The following PTPRD variants were observed in gnomAD, a reference collection of about 807,000 sequenced individuals.
PTPRD encodes the protein protein tyrosine phosphatase receptor type D.
A neutral mutation model predicts 214.5 loss-of-function variants in PTPRD; 34 were observed. The ratio of observed to expected loss-of-function variants is 0.16; its 90% CI spans 0.12 to 0.21. PTPRD has a LOEUF of 0.21. Ranked by LOEUF, PTPRD falls within the 10% of genes least tolerant of loss-of-function variation. The pLI, the probability that PTPRD is intolerant of heterozygous loss-of-function variation, is 1.00. For synonymous variants in PTPRD, 1,128 were observed against 845.7 expected (o/e 1.33, Z -5.79); for missense variants, 2,545 against 2,398.7 (o/e 1.06, Z -1.27).
At chr9:8,542,844 C>G (rs2078837197) in intron 14 of PTPRD, among the ~76,000 whole-genome samples, 1 of 152,210 alleles carries the variant, frequency 6.6e-6, no homozygotes, top group Non-Finnish European at 1.5e-5. Context: ...CAGAAGTTCC[C>G]TGGGAGCCAG....
At chr9:8,874,649 T>G (rs1189941361) in intron 11 of PTPRD, among the ~76,000 whole-genome samples, 1 of 152,176 alleles carries the variant, frequency 6.6e-6, no homozygotes, top group Non-Finnish European at 1.5e-5. Flanking sequence ...GAAATTGCAT[T>G]GGAGTTGAGA....
At chr9:9,937,320 A>G (rs559126033) in intron 5 of PTPRD, among the ~76,000 whole-genome samples, 1 of 151,718 alleles carries the variant, frequency 6.6e-6, no homozygotes, top group Non-Finnish European at 1.5e-5. Context: ...GTTATCTTAT[A>G]AAGACATTTT....
chr9:8,539,463 A>C (rs1454932960), intron 14 of PTPRD, among the ~76,000 whole-genome samples: 2 of 152,018 alleles, frequency 1.3e-5, no homozygotes, highest in East Asian at 3.9e-4. Context: ...ATTAAAGACA[A>C]ATAATTTTGA....
chr9:9,074,930 T>C (rs1386320264), intron 10 of PTPRD, among the ~76,000 whole-genome samples: 1 of 151,818 alleles, frequency 6.6e-6, no homozygotes, highest in Non-Finnish European at 1.5e-5. Flanking sequence ...TCCTATATTA[T>C]CCTATCATGT....
intron 9 of PTPRD, among the ~76,000 whole-genome samples, chr9:9,323,205 T>C (rs983757114): frequency 3.3e-5 from 5 of 152,098 alleles, no homozygotes; most frequent in African/African-American, 1.2e-4. Context: ...CATTACTCTG[T>C]ATTTTATCAC....
intron 39 of PTPRD, among the ~76,000 whole-genome samples, chr9:8,352,347 G>C (rs1013472205): frequency 2.0e-5 from 3 of 152,202 alleles, no homozygotes; most frequent in African/African-American, 7.2e-5. Context: ...TAGTTGACTT[G>C]AATCTGAATA....
rs992114339 is a variant in PTPRD, at chr9:9,426,573, C to T, written c.-236-29091G>A. On this transcript the variant is annotated intron_variant, in intron 8 of 45. Transcript: ENST00000381196. ...GAAGAGTGTAGTGGATCTCCCAGCA[C>T]GGAGTTTGAGATCTGAGAACGGAGA... 7.2e-5 allele frequency among the ~76,000 whole-genome samples: 11 copies of T among 152,252 alleles called. No homozygotes were observed. The East Asian group carries it at 9.7e-4, about 13-fold the overall frequency.
chr9:9,021,753 T>C (rs1229930626), intron 10 of PTPRD, among the ~76,000 whole-genome samples: 3 of 151,756 alleles, frequency 2.0e-5, no homozygotes, highest in African/African-American at 7.3e-5. Flanking sequence ...TAATTTTTAG[T>C]AAAAAAAAGT....
At chr9:10,353,228 G>C (rs1018177711) in intron 2 of PTPRD, among the ~76,000 whole-genome samples, 5 of 151,824 alleles carry the variant, frequency 3.3e-5, no homozygotes, top group African/African-American at 1.2e-4. Context: ...TGAAGTTGTG[G>C]TCATATTAAT....
At chr9:9,065,193 A>G (rs1442545168) in intron 10 of PTPRD, among the ~76,000 whole-genome samples, 1 of 152,206 alleles carries the variant, frequency 6.6e-6, no homozygotes, top group Non-Finnish European at 1.5e-5. Context: ...AAAGTGTATT[A>G]GGAAGTGATA....
At chr9:9,284,463 G>C (rs568587971) in intron 9 of PTPRD, among the ~76,000 whole-genome samples, 24 of 151,668 alleles carry the variant, frequency 1.6e-4, no homozygotes, top group African/African-American at 5.8e-4. Flanking sequence ...ATCAGCTTAC[G>C]AGCACAAGCA....
intron 10 of PTPRD, among the ~76,000 whole-genome samples, chr9:9,120,473 T>C (rs776493882): frequency 4.6e-5 from 7 of 152,192 alleles, no homozygotes; most frequent in African/African-American, 1.2e-4. Context: ...ACGTGACATA[T>C]GGAGCTATGG....
intron 3 of PTPRD, among the ~76,000 whole-genome samples, chr9:10,232,429 CAG>C (rs1437270411): frequency 6.6e-6 from 1 of 151,926 alleles, no homozygotes; most frequent in Non-Finnish European, 1.5e-5. Flanking sequence ...TTCCTAGAAA[CAG>C]AGCTCTTGAG....
intron 5 of PTPRD, among the ~76,000 whole-genome samples, chr9:9,807,556 T>G (rs2045845189): frequency 6.6e-6 from 1 of 152,158 alleles, no homozygotes; most frequent in Non-Finnish European, 1.5e-5. Context: ...CCAAGAATAC[T>G]CTCCACTGAT....
At chr9:10,293,699 G>C (rs923686068) in intron 3 of PTPRD, among the ~76,000 whole-genome samples, 1 of 151,818 alleles carries the variant, frequency 6.6e-6, no homozygotes, top group East Asian at 1.9e-4. Context: ...TCCAAAGTTT[G>C]GGAAAATTCA....
At chr9:8,807,680 T>G (rs2096715364) in intron 11 of PTPRD, among the ~76,000 whole-genome samples, 1 of 152,134 alleles carries the variant, frequency 6.6e-6, no homozygotes, top group Admixed American at 6.5e-5. Context: ...ATCACCCTTT[T>G]AGATATAAGT....
intron 34 of PTPRD, among the ~76,000 whole-genome samples, chr9:8,441,838 T>C (rs991039108): frequency 6.6e-6 from 1 of 152,138 alleles, no homozygotes; most frequent in Admixed American, 6.5e-5. Flanking sequence ...TGTAGCTACA[T>C]GAGGAATCTG....
intron 2 of PTPRD, among the ~76,000 whole-genome samples, chr9:10,482,760 G>A (rs150918600): frequency 2.7e-4 from 41 of 152,112 alleles, no homozygotes; most frequent in African/African-American, 6.5e-4. Context: ...TAACCAACTA[G>A]GTGAAAAATC....
intron 4 of PTPRD, among the ~76,000 whole-genome samples, chr9:10,018,845 G>T (rs1045492670): frequency 2.6e-5 from 4 of 151,930 alleles, no homozygotes; most frequent in African/African-American, 9.7e-5. Flanking sequence ...CACCGCGCCC[G>T]GCCAGAATTA....
Sources: gnomAD v4.1 joint callset for allele counts (sites outside exome capture counted in the v4.1 genomes callset) on GRCh38, gnomAD v4.1.1 for gene constraint, MANE v1.5 for transcripts, NCBI Gene and HGNC (gene_info 2026-07-23, HGNC 2026-07-21) for gene names.